GOLM2: variants seen among roughly 807,000 people sequenced by gnomAD.
The protein encoded by GOLM2 is protein GOLM2.
In GOLM2, 26 loss-of-function variants were observed where a neutral mutation model predicts 55.9. The ratio of observed to expected loss-of-function variants is 0.47; its 90% CI spans 0.34 to 0.65. The LOEUF (loss-of-function observed/expected upper bound fraction) is 0.65, where lower values mean the gene tolerates loss of function less well. GOLM2 is among the 30% of genes least tolerant of loss of function. The pLI is 0.01. For missense variants in GOLM2, 486 were observed against 531.8 expected (o/e 0.91, Z 0.85); for synonymous variants, 165 against 194.6 (o/e 0.85, Z 1.27).
At chr15:44,314,614 G>C (rs2078896601) in intron 1 of GOLM2, among the ~76,000 whole-genome samples, 2 of 151,922 alleles carry the variant, frequency 1.3e-5, no homozygotes, top group South Asian at 4.1e-4. Context: ...CTAAAACTTG[G>C]TTTAAGAAGA....
chr15:44,305,124 C>T (rs112404420), intron 1 of GOLM2, among the ~76,000 whole-genome samples: 1,593 of 152,222 alleles, frequency 0.01, 16 homozygotes, highest in Middle Eastern at 0.031. Flanking sequence ...TCTCAGCCTT[C>T]CGAGTAGCTG....
chr15:44,339,553 G>C (rs1463812367), intron 6 of GOLM2, among the ~76,000 whole-genome samples: 3 of 152,072 alleles, frequency 2.0e-5, no homozygotes, highest in Middle Eastern at 3.4e-3. Context: ...TGGCCAGCTG[G>C]TCTCGAACTC....
At chr15:44,309,656 C>G (rs776844211) in intron 1 of GOLM2, among the ~76,000 whole-genome samples, 3 of 152,118 alleles carry the variant, frequency 2.0e-5, no homozygotes, top group Non-Finnish European at 2.9e-5. Context: ...ATAGTAATAG[C>G]TAATGTTTAT....
chr15:44,359,589 AAAACAAACAAAC>A, intron 6 of GOLM2, among the ~76,000 whole-genome samples: 1 of 152,276 alleles, frequency 6.6e-6, no homozygotes, highest in South Asian at 2.1e-4. Flanking sequence ...CTCCGTCTCA[AAAACAAACAAAC>A]AAACAAACAA....
chr15:44,328,489 T>A (rs1567026509), intron 2 of GOLM2, among the ~76,000 whole-genome samples, 196 bp from the exon 3 acceptor site: 1 of 152,144 alleles, frequency 6.6e-6, no homozygotes, highest in African/African-American at 2.4e-5. Flanking sequence ...AATAAATAAA[T>A]GAATAAATTT....
intron 6 of GOLM2, among the ~76,000 whole-genome samples, chr15:44,346,385 G>A (rs1044812069): frequency 6.6e-6 from 1 of 151,510 alleles, no homozygotes; most frequent in African/African-American, 2.4e-5. Flanking sequence ...GGTTTGACTT[G>A]GGCATTGAAG....
At position 44,333,019 on chromosome 15, in the gene GOLM2, G is replaced by A. The variant is rs111889911; in HGVS notation, c.576+941G>A. Among the ~76,000 whole-genome samples, 769 of 152,018 alleles carry A rather than the reference G, an allele frequency of 5.1e-3. 6 individuals are homozygous for A. The highest frequency in any genetic ancestry group is 0.018 in the African/African-American group (754 of 41,428). Reference sequence around the variant, plus strand: ...GTGATCTCGGCTCACTGCCAGCCCCGCCTCCTGGGTTCACGCCATTCTCCT... The same window carrying A: ...GTGATCTCGGCTCACTGCCAGCCCCACCTCCTGGGTTCACGCCATTCTCCT... On this transcript the variant is annotated intron_variant, in intron 4 of 9. Coordinates refer to ENST00000299957, the MANE Select transcript of GOLM2 (RefSeq NM_138423.4).
In GOLM2 at chr15:44,328,766, T is replaced by C. The variant is rs901053526; in HGVS notation, c.464T>C (p.Val155Ala). ...QDYRKNNTYL[V>A]KRLEYESFQC... ...TATAGGAAGAACAATACTTACCTTGTGAAGAGGTTAGAATATGAAAGGTAA... is the reference window on the plus strand; with the variant it reads ...TATAGGAAGAACAATACTTACCTTGCGAAGAGGTTAGAATATGAAAGGTAA... Residue 155 changes from valine (V) to alanine (A), a missense_variant, in exon 3 of 10, where the codon GTG becomes GCG. Val to Ala is a moderately conservative substitution (Grantham distance 64, BLOSUM62 0). Transcript: ENST00000299957. 2 of 1,608,118 alleles carry C rather than the reference T, an allele frequency of 1.2e-6. No individual in the cohort carries two copies. Among genetic ancestry groups the C allele is most frequent in the Admixed American group, 1.7e-5 (1 of 58,868 alleles).
chr15:44,369,255 T>G (rs1384570211), intron 6 of GOLM2, among the ~76,000 whole-genome samples: 1 of 147,804 alleles, frequency 6.8e-6, no homozygotes, highest in Admixed American at 6.9e-5. Context: ...TGTATATATA[T>G]GTATATATGT....
intron 6 of GOLM2, among the ~76,000 whole-genome samples, chr15:44,338,787 T>G (rs2079073552): frequency 6.6e-6 from 1 of 152,218 alleles, no homozygotes; most frequent in Non-Finnish European, 1.5e-5. Flanking sequence ...TTGGATAGTT[T>G]GTTTAACATT....
intron 8 of GOLM2, among the ~76,000 whole-genome samples, chr15:44,383,681 T>C (rs1236541378): frequency 2.0e-5 from 3 of 147,212 alleles, no homozygotes; most frequent in African/African-American, 7.5e-5. Context: ...TTTTCTTTTT[T>C]TTTTTTTTTT....
intron 9 of GOLM2, among the ~76,000 whole-genome samples, chr15:44,403,958 G>A (rs1003564039): frequency 6.6e-6 from 1 of 152,038 alleles, no homozygotes; most frequent in African/African-American, 2.4e-5. Context: ...TATTCACTGT[G>A]TTACTTCTGC....
intron 6 of GOLM2, among the ~76,000 whole-genome samples, chr15:44,344,223 G>A (rs1009881744): frequency 4.0e-5 from 6 of 148,206 alleles, no homozygotes; most frequent in African/African-American, 1.5e-4. Context: ...TCACACCACT[G>A]CACTCCAGCC....
chr15:44,309,093 A>G (rs2078857164), intron 1 of GOLM2, among the ~76,000 whole-genome samples: 2 of 152,218 alleles, frequency 1.3e-5, no homozygotes, highest in Non-Finnish European at 2.9e-5. Flanking sequence ...GTGAGATACT[A>G]TCTCACACCT....
chr15:44,400,395 C>T (rs1453076636), intron 8 of GOLM2, among the ~76,000 whole-genome samples: 1 of 150,878 alleles, frequency 6.6e-6, no homozygotes. Flanking sequence ...CTCAGTGAGC[C>T]GCAACCTCCG....
intron 6 of GOLM2, among the ~76,000 whole-genome samples, chr15:44,351,559 A>G (rs2079163765): frequency 1.3e-5 from 2 of 148,880 alleles, no homozygotes; most frequent in South Asian, 4.4e-4. Context: ...CCTGGGCAAC[A>G]AAGCAAGACT....
At chr15:44,359,863 A>G (rs915052253) in intron 6 of GOLM2, among the ~76,000 whole-genome samples, 7 of 152,240 alleles carry the variant, frequency 4.6e-5, no homozygotes, top group Non-Finnish European at 1.0e-4. Flanking sequence ...CTCGGGAGAA[A>G]CTCGATAAGC....
intron 6 of GOLM2, among the ~76,000 whole-genome samples, chr15:44,378,132 T>C (rs889863618): frequency 6.6e-6 from 1 of 151,498 alleles, no homozygotes; most frequent in Non-Finnish European, 1.5e-5. Flanking sequence ...CACTGCAAGC[T>C]CTGCGTCCCG....
intron 9 of GOLM2, 98 bp downstream of exon 9, chr15:44,403,152 T>C (rs771369091): frequency 3.6e-6 from 5 of 1,383,538 alleles, no homozygotes; most frequent in Non-Finnish European, 5.1e-6. Context: ...TTAGTGGCAG[T>C]GTAACCTAAA....
Sources: gnomAD v4.1 joint callset for allele counts (sites outside exome capture counted in the v4.1 genomes callset) on GRCh38, gnomAD v4.1.1 for gene constraint, MANE v1.5 for transcripts, NCBI Gene and HGNC (gene_info 2026-07-23, HGNC 2026-07-21) for gene names.